PHACTR3: variants seen among roughly 807,000 people sequenced by gnomAD.
PHACTR3 encodes protein phosphatase 1, regulatory subunit 123.
A neutral mutation model predicts 66.8 loss-of-function variants in PHACTR3; 16 were observed. The observed-to-expected ratio is 0.24, with a 90% CI of 0.16 to 0.36. The LOEUF is 0.36. PHACTR3 is among the 10% of genes least tolerant of loss of function. The pLI is 1.00. For synonymous variants in PHACTR3, 323 were observed against 292.1 expected (o/e 1.11, Z -1.08); for missense variants, 647 against 719.9 (o/e 0.90, Z 1.16).
chr20:59,778,943 C>T (rs923161142), intron 7 of PHACTR3, among the ~76,000 whole-genome samples: 6 of 152,170 alleles, frequency 3.9e-5, no homozygotes, highest in African/African-American at 7.2e-5. Flanking sequence ...AAACTGCTGT[C>T]GTGAACGTGG....
chr20:59,674,147 C>A lies in PHACTR3; in HGVS notation c.119-68960C>A, dbSNP rs1037783495. Among the ~76,000 whole-genome samples, 6 of 151,458 alleles carry A rather than the reference C, an allele frequency of 4.0e-5. 1 individual carries two copies. Among genetic ancestry groups the A allele is most frequent in the African/African-American group, 1.5e-4 (6 of 40,878 alleles). On this transcript the variant is annotated intron_variant, in intron 1 of 12. Transcript: ENST00000371015. ...CCTGGGCTGGTTCCCTCCCACCTCC[C>A]GCTTAAAGGTGTCATTAGCAAGGGC...
chr20:59,617,766 G>A (rs754085743), intron 1 of PHACTR3, among the ~76,000 whole-genome samples: 37 of 152,328 alleles, frequency 2.4e-4, no homozygotes, highest in Non-Finnish European at 4.4e-4. Flanking sequence ...CTCACGGCAC[G>A]TGTCATTTCT....
At chr20:59,625,203 G>T (rs541998792) in intron 1 of PHACTR3, among the ~76,000 whole-genome samples, 1 of 152,132 alleles carries the variant, frequency 6.6e-6, no homozygotes, top group South Asian at 2.1e-4. Context: ...TCTGCCTAGA[G>T]CCAGGGTCTG....
chr20:59,836,830 G>T (rs2058976706), intron 9 of PHACTR3, among the ~76,000 whole-genome samples: 1 of 152,156 alleles, frequency 6.6e-6, no homozygotes, highest in South Asian at 2.1e-4. Flanking sequence ...AGTGCGTTAG[G>T]TTTCAAGCAG....
At chr20:59,616,385 T>C (rs1267777431) in intron 1 of PHACTR3, among the ~76,000 whole-genome samples, 1 of 152,178 alleles carries the variant, frequency 6.6e-6, no homozygotes, top group East Asian at 1.9e-4. Context: ...TGTCTTCCTT[T>C]GGGCCTCAAG....
chr20:59,703,476 A>G (rs2037582983), intron 1 of PHACTR3, among the ~76,000 whole-genome samples: 1 of 152,188 alleles, frequency 6.6e-6, no homozygotes, highest in Admixed American at 6.5e-5. Flanking sequence ...AGCTTTATAG[A>G]CACACTAGTG....
intron 1 of PHACTR3, among the ~76,000 whole-genome samples, chr20:59,625,944 C>T (rs904659801): frequency 7.9e-5 from 12 of 152,158 alleles, no homozygotes; most frequent in Admixed American, 5.2e-4. Context: ...TGGTGAGGGA[C>T]GTGGAGATTT....
chr20:59,766,611 C>T (rs930011449), intron 4 of PHACTR3, among the ~76,000 whole-genome samples: 1 of 152,112 alleles, frequency 6.6e-6, no homozygotes, highest in Admixed American at 6.5e-5. Context: ...CTGACCCTTC[C>T]TCCAAGTCGA....
chr20:59,757,298 C>T (rs1205077296), intron 4 of PHACTR3, among the ~76,000 whole-genome samples: 2 of 152,240 alleles, frequency 1.3e-5, no homozygotes, highest in Non-Finnish European at 2.9e-5. Flanking sequence ...CCTCTTCTGA[C>T]CTCAGACACG....
At chr20:59,718,900 G>A (rs1358052043) in intron 1 of PHACTR3, among the ~76,000 whole-genome samples, 1 of 152,258 alleles carries the variant, frequency 6.6e-6, no homozygotes, top group Non-Finnish European at 1.5e-5. Flanking sequence ...CTACGCATGG[G>A]CGTGTTGTCA....
chr20:59,620,685 G>T lies in PHACTR3; in HGVS notation c.118+15553G>T, dbSNP rs150867548. 1.2e-3 allele frequency among the ~76,000 whole-genome samples: 178 copies of T among 152,314 alleles called. 3 individuals carry two copies. Among genetic ancestry groups the T allele is most frequent in the African/African-American group, 4.0e-3 (166 of 41,566 alleles). Reference sequence around the variant, plus strand: ...TGTGGTTGCTCAGCCAGGTGCCTCTGCTCTAAAGTTAACACTTTCTTCCTC... The same window carrying T: ...TGTGGTTGCTCAGCCAGGTGCCTCTTCTCTAAAGTTAACACTTTCTTCCTC... On this transcript the variant is annotated intron_variant, in intron 1 of 12. Coordinates refer to ENST00000371015, the MANE Select transcript of PHACTR3 (RefSeq NM_080672.5).
At chr20:59,607,295 A>C (rs1470276619) in intron 1 of PHACTR3, among the ~76,000 whole-genome samples, 1 of 152,110 alleles carries the variant, frequency 6.6e-6, no homozygotes, top group Non-Finnish European at 1.5e-5. Flanking sequence ...CTGGGGTTTT[A>C]GGTATTGAAA....
At chr20:59,807,151 T>G (rs970138787) in intron 8 of PHACTR3, among the ~76,000 whole-genome samples, 17 of 152,350 alleles carry the variant, frequency 1.1e-4, no homozygotes, top group Non-Finnish European at 1.9e-4. Flanking sequence ...ATAGTAACTT[T>G]TTACTGGATA....
intron 1 of PHACTR3, among the ~76,000 whole-genome samples, chr20:59,614,297 G>A (rs577586723): frequency 4.6e-5 from 7 of 152,374 alleles, no homozygotes; most frequent in African/African-American, 1.4e-4. Flanking sequence ...AGCACACAGA[G>A]GCAGATGTAC....
chr20:59,790,430 G>C (rs899374617), intron 7 of PHACTR3, among the ~76,000 whole-genome samples: 1 of 152,186 alleles, frequency 6.6e-6, no homozygotes, highest in Non-Finnish European at 1.5e-5. Context: ...CCCCTTTCTA[G>C]GGATCAAGCT....
chr20:59,780,654 G>A (rs1028211256), intron 7 of PHACTR3, among the ~76,000 whole-genome samples: 3 of 152,174 alleles, frequency 2.0e-5, no homozygotes, highest in African/African-American at 7.2e-5. Flanking sequence ...TCTGGCCCCT[G>A]GCATTGGGAA....
chr20:59,587,755 G>T (rs113627448), intron 1 of PHACTR3, among the ~76,000 whole-genome samples: 1 of 152,200 alleles, frequency 6.6e-6, no homozygotes, highest in African/African-American at 2.4e-5. Flanking sequence ...GCTGGAGCCG[G>T]GGCTGGGGCT....
At chr20:59,650,255 G>T (rs2035418432) in intron 1 of PHACTR3, among the ~76,000 whole-genome samples, 1 of 152,136 alleles carries the variant, frequency 6.6e-6, no homozygotes, top group South Asian at 2.1e-4. Flanking sequence ...TAAGGTATGT[G>T]TGTATATATC....
intron 9 of PHACTR3, among the ~76,000 whole-genome samples, chr20:59,840,140 A>G (rs953686260): frequency 6.6e-6 from 1 of 152,190 alleles, no homozygotes; most frequent in Admixed American, 6.5e-5. Context: ...TGAGGAGACC[A>G]GGTTGGGATG....
Sources: gnomAD v4.1 joint callset for allele counts (sites outside exome capture counted in the v4.1 genomes callset) on GRCh38, gnomAD v4.1.1 for gene constraint, MANE v1.5 for transcripts, NCBI Gene and HGNC (gene_info 2026-07-23, HGNC 2026-07-21) for gene names.